SLCO1B1: variants seen among roughly 807,000 people sequenced by gnomAD.
The protein encoded by SLCO1B1 is OATP-2.
SLCO1B1 carries 81 observed loss-of-function variants against 70.1 expected under a neutral mutation model. The ratio of observed to expected loss-of-function variants is 1.16; its 90% CI spans 0.97 to 1.39. The LOEUF is 1.39. Ranked by LOEUF, SLCO1B1 falls within the 40% of genes most tolerant of loss-of-function variation. SLCO1B1 has a pLI of 0.00. For synonymous variants in SLCO1B1, 283 were observed against 271.5 expected (o/e 1.04, Z -0.42); for missense variants, 895 against 799.6 (o/e 1.12, Z -1.44).
rs766417954 is a variant in SLCO1B1, at chr12:21,178,922, G to A, written c.629G>A (p.Gly210Asp). The change falls in exon 7 of 15, where the codon GGT (glycine) becomes GAT (aspartate). Residue 210 changes from glycine (G) to aspartate (D), a missense_variant and splice_region_variant. Physicochemically the swap from Gly to Asp is moderately conservative, Grantham distance 94. Coordinates refer to ENST00000256958, the MANE Select transcript of SLCO1B1 (RefSeq NM_006446.5). The part of the protein sequence containing the change: ...AKEGHSSLYL[G>D]ILNAIAMIGP... ...TAAAATTGCTTTATAATATTTTCAG[G>A]TATATTGAATGCAATAGCAATGATT... 28 of 1,600,698 alleles carry A rather than the reference G, an allele frequency of 1.7e-5. No individual in the cohort carries two copies. The highest frequency in any genetic ancestry group is 2.3e-5 in the Non-Finnish European group (27 of 1,168,756).
rs111864117 is a variant in SLCO1B1, at chr12:21,150,784, C to T, written c.84+9126C>T. Among the ~76,000 whole-genome samples the T allele has an allele frequency of 8.5e-5, 13 of 152,284 alleles. 1 individual carries two copies. The highest frequency in any genetic ancestry group is 3.3e-4 in the Admixed American group (5 of 15,296). On this transcript the variant is annotated intron_variant, in intron 2 of 14. Coordinates refer to ENST00000256958, the MANE Select transcript of SLCO1B1 (RefSeq NM_006446.5). ...GAAAATTCCAAAACCCAGAATGCCT[C>T]ATCTCCTCCAAAGGATCATGTTTAC...
chr12:21,213,168 T>C (rs1807734990), intron 11 of SLCO1B1, among the ~76,000 whole-genome samples: 1 of 152,190 alleles, frequency 6.6e-6, no homozygotes, highest in Non-Finnish European at 1.5e-5. Flanking sequence ...CTTGATGGTC[T>C]TTACATTTTG....
intron 2 of SLCO1B1, among the ~76,000 whole-genome samples, chr12:21,159,513 A>G (rs1940585526): frequency 6.6e-6 from 1 of 152,170 alleles, no homozygotes; most frequent in South Asian, 2.1e-4. Flanking sequence ...AATATTTGTG[A>G]AAAGGGGAAA....
chr12:21,155,328 C>T (rs563986744), intron 2 of SLCO1B1, among the ~76,000 whole-genome samples: 57 of 151,840 alleles, frequency 3.8e-4, no homozygotes, highest in African/African-American at 1.3e-3. Context: ...GTTTTAAGCC[C>T]ATATATTATT....
intron 7 of SLCO1B1, among the ~76,000 whole-genome samples, chr12:21,194,833 G>A (rs1941072817): frequency 6.6e-6 from 1 of 152,212 alleles, no homozygotes; most frequent in East Asian, 1.9e-4. Flanking sequence ...AAGCTGTACA[G>A]GCATGGCACT....
Position 21,172,920 on chromosome 12 carries a change from G to C in SLCO1B1, c.226+129G>C. 3.5e-6 allele frequency: 3 copies of C among 868,628 alleles called. No homozygotes were observed. The South Asian group carries it at 4.8e-5, about 14-fold the overall frequency. 53.8% of individuals were successfully genotyped at this position (868,628 alleles called of 1,614,324 possible). The stretch of plus-strand genomic sequence containing the variant: ...AATTTGGCAATAACTAAAAACATTT[G>C]TGGTTGTCATAACTGCACAGGGGTT... On this transcript the variant is annotated intron_variant, in intron 3 of 14. Transcript: ENST00000256958.
At position 21,148,495 on chromosome 12, in the gene SLCO1B1, A is replaced by G. The variant is rs112921388; in HGVS notation, c.84+6837A>G. Among the ~76,000 whole-genome samples the G allele has an allele frequency of 9.2e-5, 14 of 152,216 alleles. 1 individual carries two copies. The highest frequency in any genetic ancestry group is 3.3e-4 in the Admixed American group (5 of 15,292). ...CCTTTTTCCATTGCTTTTTTTGGTCAGACTTGTCAAAGATCGGATGGTTGT... is the reference window on the plus strand; with the variant it reads ...CCTTTTTCCATTGCTTTTTTTGGTCGGACTTGTCAAAGATCGGATGGTTGT... On this transcript the variant is annotated intron_variant, in intron 2 of 14. Coordinates refer to ENST00000256958, the MANE Select transcript of SLCO1B1 (RefSeq NM_006446.5).
At chr12:21,167,755 T>C (rs1299492685) in intron 2 of SLCO1B1, among the ~76,000 whole-genome samples, 1 of 152,044 alleles carries the variant, frequency 6.6e-6, no homozygotes, top group Non-Finnish European at 1.5e-5. Flanking sequence ...AGTAAGTACC[T>C]TTCCACTTTC....
At chr12:21,205,672 G>A (rs917791532) in intron 10 of SLCO1B1, among the ~76,000 whole-genome samples, 196 bp from the exon 11 acceptor site, 16 of 151,014 alleles carry the variant, frequency 1.1e-4, no homozygotes, top group Middle Eastern at 3.4e-3. Context: ...GATGGAGAGC[G>A]TAAAATAAAT....
At chr12:21,231,449 T>C (rs1277456364) in intron 14 of SLCO1B1, among the ~76,000 whole-genome samples, 1 of 152,088 alleles carries the variant, frequency 6.6e-6, no homozygotes, top group East Asian at 1.9e-4. Context: ...CCAAAAATGG[T>C]ACCTCCTATT....
Position 21,239,136 on chromosome 12 carries a change from A to C in SLCO1B1, c.2023A>C (p.Lys675Gln). 6.2e-7 allele frequency: 1 copy of C among 1,613,260 alleles called. No individual in the cohort carries two copies. Among genetic ancestry groups the C allele is most frequent in the East Asian group, 2.2e-5 (1 of 44,762 alleles). ...TGAAGCAAACTTAGAATCCTTAAAT[A>C]AAAATAAACATTTTGTCCCTTCTGC... Reference protein sequence around the residue: ...MDEANLESLNKNKHFVPSAGA... With the variant: ...MDEANLESLNQNKHFVPSAGA... Residue 675 changes from lysine (K) to glutamine (Q), a missense_variant, in exon 15 of 15, where the codon AAA (lysine) becomes CAA (glutamine). Lys to Gln is a moderately conservative substitution (Grantham distance 53). Transcript: ENST00000256958.
chr12:21,154,057 C>T (rs1407403283), intron 2 of SLCO1B1, among the ~76,000 whole-genome samples: 1 of 151,202 alleles, frequency 6.6e-6, no homozygotes, highest in Non-Finnish European at 1.5e-5. Context: ...GTTAGACTTG[C>T]TTTTACTATC....
intron 7 of SLCO1B1, among the ~76,000 whole-genome samples, chr12:21,190,913 T>C (rs1268975028): frequency 6.6e-6 from 1 of 152,132 alleles, no homozygotes; most frequent in African/African-American, 2.4e-5. Context: ...TAACCCCTTT[T>C]CATATATAAA....
rs1447356711 is a variant in SLCO1B1 at position 21,179,017 on chromosome 12, CTAAG to C, written c.727+4_727+7del. 1 of 1,584,980 alleles carries C rather than the reference CTAAG, an allele frequency of 6.3e-7. No individual in the cohort carries two copies. Among genetic ancestry groups the C allele is most frequent in the Non-Finnish European group, 8.7e-7 (1 of 1,153,982 alleles). On this transcript the variant is annotated splice_donor_variant and coding_sequence_variant, in exon 7 of 15. Coordinates refer to ENST00000256958, the MANE Select transcript of SLCO1B1 (RefSeq NM_006446.5). LOFTEE classifies it high-confidence loss of function. ...GTACGTGGATATTGGATATGTAGATCTAAGTAAGTACAACCAGAACAAGGTACCA... is the reference window on the plus strand; with the variant it reads ...GTACGTGGATATTGGATATGTAGATCTAAGTACAACCAGAACAAGGTACCA...
At chr12:21,177,646 C>T (rs901717361) in intron 5 of SLCO1B1, among the ~76,000 whole-genome samples, 5 of 152,026 alleles carry the variant, frequency 3.3e-5, no homozygotes, top group African/African-American at 1.2e-4. Context: ...CAAAAATATA[C>T]TTACCTACTT....
At chr12:21,194,603 T>G (rs956453298) in intron 7 of SLCO1B1, among the ~76,000 whole-genome samples, 1 of 152,154 alleles carries the variant, frequency 6.6e-6, no homozygotes, top group Non-Finnish European at 1.5e-5. Flanking sequence ...TTTCAAACTT[T>G]CCTTCATTTT....
In SLCO1B1 at chr12:21,217,152, G is replaced by A; in HGVS notation, c.1531G>A (p.Gly511Ser). 1 of 1,613,600 alleles carries A rather than the reference G, an allele frequency of 6.2e-7. No homozygotes were observed. The highest frequency in any genetic ancestry group is 8.5e-7 in the Non-Finnish European group (1 of 1,179,708). ...CAACTGCAGTTGTTTGGAAGTAACT[G>A]GTCTCCAGAACAGAAATTACTCAGC... ...FYNCSCLEVTGLQNRNYSAHL... is the reference protein window; with the variant it reads ...FYNCSCLEVTSLQNRNYSAHL... The change falls in exon 12 of 15, where the codon GGT becomes AGT. Residue 511 changes from glycine to serine, a missense_variant. Transcript: ENST00000256958.
At chr12:21,164,779 C>T (rs1316524839) in intron 2 of SLCO1B1, 3 of 468,772 alleles carry the variant, frequency 6.4e-6, no homozygotes, top group Non-Finnish European at 1.3e-5. Context: ...AAGACTTAGC[C>T]CCAATGTCAA....
chr12:21,140,366 A>T (rs1940291686), intron 1 of SLCO1B1, among the ~76,000 whole-genome samples: 1 of 152,000 alleles, frequency 6.6e-6, no homozygotes, highest in Non-Finnish European at 1.5e-5. Context: ...TATTTCTAAA[A>T]CTCCATGAAG....
Sources: gnomAD v4.1 joint callset for allele counts (sites outside exome capture counted in the v4.1 genomes callset) on GRCh38, gnomAD v4.1.1 for gene constraint, MANE v1.5 for transcripts, NCBI Gene and HGNC (gene_info 2026-07-23, HGNC 2026-07-21) for gene names.